The following GXYLT1 variants were observed in gnomAD, a reference collection of about 807,000 sequenced individuals.
The protein encoded by GXYLT1 is glycosyltransferase 8 domain containing 3.
A neutral mutation model predicts 54.0 loss-of-function variants in GXYLT1; 29 were observed. The observed-to-expected ratio is 0.54, with a 90% CI of 0.40 to 0.73. GXYLT1 has a LOEUF of 0.73. Among genes scored for constraint, GXYLT1 ranks in the 30% least tolerant of loss-of-function variants. The pLI is 0.00. For missense variants in GXYLT1, 490 were observed against 553.4 expected (o/e 0.89, Z 1.15); for synonymous variants, 176 against 204.1 (o/e 0.86, Z 1.17).
chr12:42,108,678 T>A (rs959211652), intron 4 of GXYLT1, among the ~76,000 whole-genome samples: 1 of 152,190 alleles, frequency 6.6e-6, no homozygotes, highest in Non-Finnish European at 1.5e-5. Context: ...TTAGACTGAC[T>A]TTTTTATCAA....
intron 1 of GXYLT1, among the ~76,000 whole-genome samples, chr12:42,140,888 T>C (rs946970027): frequency 6.6e-6 from 1 of 152,196 alleles, no homozygotes; most frequent in Non-Finnish European, 1.5e-5. Context: ...TGAAATATGA[T>C]AATTTAATCA....
rs1360147725 is a variant in GXYLT1, at chr12:42,098,766, T to TATATATATATATATAC, written c.865-734_865-733insGTATATATATATATAT. Among the ~76,000 whole-genome samples, 19 of 137,202 alleles carry TATATATATATATATAC rather than the reference T, an allele frequency of 1.4e-4. No homozygotes were observed. The Admixed American group carries it at 1.4e-3, about 10-fold the overall frequency. 90.0% of individuals were successfully genotyped at this position (137,202 alleles called of 152,430 possible). On this transcript the variant is annotated intron_variant, in intron 5 of 7. Transcript: ENST00000398675. ...TATCTTATTAAATTTAAAACATATATATATATATATATATATATAATACAT... is the reference window on the plus strand; with the variant it reads ...TATCTTATTAAATTTAAAACATATATATATATATATATATACATATATATATATATATATAATACAT...
rs549454971 is a variant in GXYLT1 at position 42,142,867 on chromosome 12, AC to A, written c.221+1558del. On this transcript the variant is annotated intron_variant, in intron 1 of 7. Transcript: ENST00000398675. Reference sequence around the variant, plus strand: ...CACATTTTTACAAAGAGAGATAAATACACCTATAGTTCTAACTTAGATGTAC... The same window carrying A: ...CACATTTTTACAAAGAGAGATAAATAACCTATAGTTCTAACTTAGATGTAC... Among the ~76,000 whole-genome samples, 307 of 152,282 alleles carry A rather than the reference AC, an allele frequency of 2.0e-3. 1 individual carries two copies. Among genetic ancestry groups the A allele is most frequent in the South Asian group, 7.7e-3 (37 of 4,832 alleles).
chr12:42,120,149 A>G (rs569369506), intron 2 of GXYLT1, among the ~76,000 whole-genome samples: 2 of 152,318 alleles, frequency 1.3e-5, no homozygotes, highest in East Asian at 3.9e-4. Flanking sequence ...AAAAACCCTT[A>G]AAAACATTCT....
intron 3 of GXYLT1, among the ~76,000 whole-genome samples, chr12:42,112,077 G>A (rs1213750821): frequency 6.6e-6 from 1 of 150,634 alleles, no homozygotes; most frequent in East Asian, 1.9e-4. Context: ...ACCTGCAGCT[G>A]AGGGTCCTGT....
At chr12:42,114,425 C>T (rs2065479685) in intron 3 of GXYLT1, among the ~76,000 whole-genome samples, 1 of 152,074 alleles carries the variant, frequency 6.6e-6, no homozygotes, top group South Asian at 2.1e-4. Context: ...CAAATACACG[C>T]AATAAAACAT....
intron 5 of GXYLT1, among the ~76,000 whole-genome samples, chr12:42,099,737 C>T (rs2136882691): frequency 6.6e-6 from 1 of 152,192 alleles, no homozygotes; most frequent in South Asian, 2.1e-4. Flanking sequence ...GTGGTCCCAG[C>T]TACTTGGAAG....
At chr12:42,138,155 T>C (rs1464801820) in intron 1 of GXYLT1, among the ~76,000 whole-genome samples, 1 of 152,106 alleles carries the variant, frequency 6.6e-6, no homozygotes. Flanking sequence ...TAGTCCCAGC[T>C]ACTCAGGAGA....
At chr12:42,103,613 T>G (rs1592106922) in intron 5 of GXYLT1, among the ~76,000 whole-genome samples, 1 of 152,214 alleles carries the variant, frequency 6.6e-6, no homozygotes, top group South Asian at 2.1e-4. Context: ...CAATAAATTT[T>G]GCAGGACCAT....
intron 2 of GXYLT1, among the ~76,000 whole-genome samples, chr12:42,121,092 A>G (rs2065528305): frequency 6.6e-6 from 1 of 152,204 alleles, no homozygotes; most frequent in Non-Finnish European, 1.5e-5. Context: ...TCAAGACATG[A>G]CAATTTTTAG....
At chr12:42,106,962 G>T (rs1271260972) in intron 4 of GXYLT1, among the ~76,000 whole-genome samples, 1 of 151,750 alleles carries the variant, frequency 6.6e-6, no homozygotes, top group Non-Finnish European at 1.5e-5. Flanking sequence ...GGCCAAGCTG[G>T]TCTTAAACTC....
chr12:42,116,051 T>C (rs1019106841), intron 3 of GXYLT1, among the ~76,000 whole-genome samples: 7 of 151,990 alleles, frequency 4.6e-5, no homozygotes, highest in Non-Finnish European at 7.4e-5. Context: ...ATTTAATAAA[T>C]GGTGCTGGGA....
At chr12:42,113,276 T>A (rs2065470801) in intron 3 of GXYLT1, among the ~76,000 whole-genome samples, 1 of 150,994 alleles carries the variant, frequency 6.6e-6, no homozygotes, top group South Asian at 2.1e-4. Context: ...GACTCACACA[T>A]AACAATATTA....
chr12:42,084,120 A>C lies in GXYLT1; in HGVS notation c.*3666T>G, dbSNP rs1033133162. The C allele has an allele frequency of 2.0e-5, 3 of 152,240 alleles. No homozygotes were observed. The highest frequency in any genetic ancestry group is 4.4e-5 in the Non-Finnish European group (3 of 68,060). The allele number at this position is 152,240 out of a possible 1,614,324, so 9.4% of individuals were successfully genotyped here. A position where few individuals can be genotyped will look rare whatever the true frequency, so the allele number is the denominator to read the frequency against. On this transcript the variant is annotated 3_prime_UTR_variant, in exon 8 of 8. Transcript: ENST00000398675. ...GGAAGTCAGCACCTTTCCTGACCCC[A>C]GAGAGCCCAGGCAAGCAAACTGATG...
At chr12:42,130,530 C>T (rs1384519387) in intron 1 of GXYLT1, among the ~76,000 whole-genome samples, 1 of 152,082 alleles carries the variant, frequency 6.6e-6, no homozygotes, top group Non-Finnish European at 1.5e-5. Context: ...TAGGAACATA[C>T]ATTACTACAG....
intron 5 of GXYLT1, among the ~76,000 whole-genome samples, chr12:42,100,219 G>C (rs1047500907): frequency 2.0e-5 from 3 of 152,106 alleles, no homozygotes; most frequent in Non-Finnish European, 4.4e-5. Flanking sequence ...GTAAAAACCA[G>C]TATTCTTCAT....
chr12:42,099,216 C>T (rs2065375700), intron 5 of GXYLT1, among the ~76,000 whole-genome samples: 2 of 152,142 alleles, frequency 1.3e-5, no homozygotes, highest in South Asian at 2.1e-4. Flanking sequence ...AAGTATTTTC[C>T]TATTCTTGGA....
intron 2 of GXYLT1, among the ~76,000 whole-genome samples, chr12:42,122,853 G>A (rs1351967167): frequency 6.6e-6 from 1 of 152,110 alleles, no homozygotes; most frequent in East Asian, 1.9e-4. Flanking sequence ...GTGTAGAAAT[G>A]CAAGAACATC....
chr12:42,136,080 T>C (rs1024936570), intron 1 of GXYLT1, among the ~76,000 whole-genome samples: 3 of 152,196 alleles, frequency 2.0e-5, no homozygotes, highest in South Asian at 2.1e-4. Context: ...AAGTAATTTG[T>C]TTATAGTTTT....
Sources: allele counts gnomAD v4.1 joint callset (sites outside exome capture counted in the v4.1 genomes callset), GRCh38; gene constraint gnomAD v4.1.1; transcripts MANE v1.5; gene names NCBI Gene and HGNC (gene_info 2026-07-23, HGNC 2026-07-21).